NDUFV3: variants seen among roughly 807,000 people sequenced by gnomAD.
NDUFV3 encodes NADH:ubiquinone oxidoreductase subunit V3, also known as NADH dehydrogenase [ubiquinone] flavoprotein 3, mitochondrial.
Under a neutral mutation model 37.5 loss-of-function variants are expected in NDUFV3, and 44 were observed. That is an observed-to-expected ratio of 1.17 (90% CI 0.92 to 1.51). The LOEUF is 1.51. NDUFV3 is among the 40% of genes most tolerant of loss of function. The pLI, the probability that NDUFV3 is intolerant of heterozygous loss-of-function variation, is 0.00. For synonymous variants in NDUFV3, 235 were observed against 239.3 expected (o/e 0.98, Z 0.17); for missense variants, 580 against 580.4 (o/e 1.00, Z 0.01).
At position 42,905,406 on chromosome 21, in the gene NDUFV3, C is replaced by T. The variant is rs2058736865; in HGVS notation, c.1264+1130C>T. Among the ~76,000 whole-genome samples, 6 of 152,238 alleles carry T rather than the reference C, an allele frequency of 3.9e-5. No individual in the cohort carries two copies. The South Asian group carries it at 1.2e-3, about 31-fold the overall frequency. On this transcript the variant is annotated intron_variant, in intron 3 of 3. Coordinates refer to ENST00000354250, the MANE Select transcript of NDUFV3 (RefSeq NM_021075.4). ...TAAGTGTTGTACAGGTCAGCCGCTG[C>T]ATACGCATCCTTTCCCCTGGACAGC... is the stretch of plus-strand genomic sequence containing the variant.
chr21:42,905,677 G>A (rs1357838232), intron 3 of NDUFV3, among the ~76,000 whole-genome samples: 10 of 151,772 alleles, frequency 6.6e-5, no homozygotes, highest in Admixed American at 1.3e-4. Flanking sequence ...CACCACCCCC[G>A]GCTAATTTTT....
intron 3 of NDUFV3, chr21:42,906,708 T>A (rs1367210292): frequency 3.0e-6 from 1 of 333,872 alleles, no homozygotes; most frequent in African/African-American, 2.2e-5. Context: ...GGGGCCGCGG[T>A]CTCACTAGGC....
At chr21:42,899,366 G>A (rs1406647376) in intron 2 of NDUFV3, among the ~76,000 whole-genome samples, 1 of 147,698 alleles carries the variant, frequency 6.8e-6, no homozygotes, top group Admixed American at 6.8e-5. Flanking sequence ...CCGCCTCCCT[G>A]ATTCAAGCAA....
chr21:42,899,807 C>T (rs13047676), intron 2 of NDUFV3, among the ~76,000 whole-genome samples: 11,594 of 150,928 alleles, frequency 0.077, 513 homozygotes, highest in East Asian at 0.15. Context: ...TTTGAACTCC[C>T]GACCTCAGAT....
chr21:42,908,789 G>A (rs188556924), intron 3 of NDUFV3, 75 bp from the exon 4 acceptor site: 6 of 1,543,884 alleles, frequency 3.9e-6, no homozygotes, highest in Non-Finnish European at 3.6e-6. Flanking sequence ...GTAGGTAAGC[G>A]CCTGTGTGTG....
At position 42,904,195 on chromosome 21, in the gene NDUFV3, A is replaced by G. The variant is rs2146161146; in HGVS notation, c.1183A>G (p.Thr395Ala). The change falls in exon 3 of 4, where the codon ACA becomes GCA. Residue 395 changes from threonine to alanine, a missense_variant. Coordinates refer to ENST00000354250, the MANE Select transcript of NDUFV3 (RefSeq NM_021075.4). Reference sequence around the variant, plus strand: ...GAATAACCACGGTTTCCATGAAAAGACAGCAGCGCTGAAGCTTGAGGCCGA... The same window carrying G: ...GAATAACCACGGTTTCCATGAAAAGGCAGCAGCGCTGAAGCTTGAGGCCGA... ...VENNHGFHEK[T>A]AALKLEAEGE... The G allele has an allele frequency of 6.2e-7, 1 of 1,614,172 alleles. No individual in the cohort carries two copies. The highest frequency in any genetic ancestry group is 1.7e-5 in the Admixed American group (1 of 59,996).
chr21:42,900,627 T>C (rs777420854), intron 2 of NDUFV3, among the ~76,000 whole-genome samples: 1 of 152,216 alleles, frequency 6.6e-6, no homozygotes, highest in Admixed American at 6.5e-5. Context: ...AGAGGAACTT[T>C]TCACCCTCCA....
rs2058768564 is a variant in NDUFV3, at chr21:42,911,013, C to G, written c.*1992C>G. On this transcript the variant is annotated 3_prime_UTR_variant, in exon 4 of 4. Coordinates refer to ENST00000354250, the MANE Select transcript of NDUFV3 (RefSeq NM_021075.4). ...ATCCCAGCACTTTGGGAAGCCAAGG[C>G]GGATGGATCACTTGAGGTCAGGAGT... 1 of 152,316 alleles carries G rather than the reference C, an allele frequency of 6.6e-6. No homozygotes were observed. Among genetic ancestry groups the G allele is most frequent in the Non-Finnish European group, 1.5e-5 (1 of 68,166 alleles). The allele number at this position is 152,316 out of a possible 1,614,324, so 9.4% of individuals were successfully genotyped here. A position where few individuals can be genotyped will look rare whatever the true frequency, so the allele number is the denominator to read the frequency against.
In NDUFV3 at chr21:42,893,350, T is replaced by A. The variant is rs1301859502; in HGVS notation, c.17T>A (p.Leu6Ter). The change falls in exon 1 of 4, where the codon TTG (leucine) becomes TAG (stop). Residue 6 changes from leucine to a stop codon, truncating the protein, a stop_gained. Coordinates refer to ENST00000354250, the MANE Select transcript of NDUFV3 (RefSeq NM_021075.4). LOFTEE classifies it high-confidence loss of function. MAAPC[L>*]LRQGRAGALK... The stretch of plus-strand genomic sequence containing the variant: ...GTCACCGCCATGGCTGCCCCGTGTT[T>A]GCTGCGGCAAGGACGAGCCGGGGCG... 4.6e-6 allele frequency: 7 copies of A among 1,538,438 alleles called. No individual in the cohort carries two copies. In the South Asian group the frequency reaches 7.1e-5, roughly 16 times the overall value.
rs1360004608 is a variant in NDUFV3, at chr21:42,911,988, C to T, written c.*2967C>T. ...GGGCGCGGTGGCTCATGCCTGTAATCCCTGCACTTTGGAAGGCTGAGGCAG... is the reference window on the plus strand; with the variant it reads ...GGGCGCGGTGGCTCATGCCTGTAATTCCTGCACTTTGGAAGGCTGAGGCAG... On this transcript the variant is annotated 3_prime_UTR_variant, in exon 4 of 4. Coordinates refer to ENST00000354250, the MANE Select transcript of NDUFV3 (RefSeq NM_021075.4). 4 of 152,250 alleles carry T rather than the reference C, an allele frequency of 2.6e-5. No homozygotes were observed. In the South Asian group the frequency reaches 8.3e-4, roughly 32 times the overall value. 9.4% of individuals were successfully genotyped at this position (152,250 alleles called of 1,614,324 possible).
chr21:42,900,494 C>T (rs1460834424), intron 2 of NDUFV3, among the ~76,000 whole-genome samples: 1 of 152,202 alleles, frequency 6.6e-6, no homozygotes, highest in African/African-American at 2.4e-5. Context: ...CACAGCGACA[C>T]TCCATCTCAA....
At chr21:42,894,477 ATATT>A (rs1263327374) in intron 1 of NDUFV3, among the ~76,000 whole-genome samples, 3 of 70,100 alleles carry the variant, frequency 4.3e-5, no homozygotes, top group Non-Finnish European at 7.5e-5. Context: ...TATATATTAT[ATATT>A]TATATATTTA....
At chr21:42,893,601 C>T (rs1007941531) in intron 1 of NDUFV3, among the ~76,000 whole-genome samples, 9 of 152,208 alleles carry the variant, frequency 5.9e-5, no homozygotes, top group Non-Finnish European at 1.0e-4. Flanking sequence ...CGGTCCGCCG[C>T]CGCCGCTGCC....
At position 42,908,018 on chromosome 21, in the gene NDUFV3, G is replaced by A. The variant is rs1009242347; in HGVS notation, c.1265-846G>A. On this transcript the variant is annotated intron_variant, in intron 3 of 3. Transcript: ENST00000354250. ...TATACAAACTAAGATGTTAAGACAC[G>A]TTGTATGGCCTGGCATGGTGGCTCA... Among the ~76,000 whole-genome samples, 13 of 151,936 alleles carry A rather than the reference G, an allele frequency of 8.6e-5. No individual in the cohort carries two copies. In the East Asian group the frequency reaches 1.8e-3, roughly 21 times the overall value.
rs148195804 is a variant in NDUFV3 at position 42,901,464 on chromosome 21, G to A, written c.170-1718G>A. 8.4e-3 allele frequency among the ~76,000 whole-genome samples: 1,271 copies of A among 151,742 alleles called. 9 individuals are homozygous for A. The highest frequency in any genetic ancestry group is 0.014 in the Non-Finnish European group (971 of 67,890). On this transcript the variant is annotated intron_variant, in intron 2 of 3. Coordinates refer to ENST00000354250, the MANE Select transcript of NDUFV3 (RefSeq NM_021075.4). ...TCTCAAAAAAAAATTACCCAGGCGT[G>A]GTGGCACACAACTGTAGTACCAGCT... is the stretch of plus-strand genomic sequence containing the variant.
At chr21:42,905,402 G>A (rs1480738278) in intron 3 of NDUFV3, among the ~76,000 whole-genome samples, 3 of 152,202 alleles carry the variant, frequency 2.0e-5, no homozygotes, top group African/African-American at 7.2e-5. Context: ...CAGGTCAGCC[G>A]CTGCATACGC....
At chr21:42,904,400 C>A in intron 3 of NDUFV3, 124 bp downstream of exon 3, 1 of 1,305,964 alleles carries the variant, frequency 7.7e-7, no homozygotes, top group Non-Finnish European at 1.1e-6. Flanking sequence ...GAAATATGGC[C>A]TGTAACGCTG....
intron 3 of NDUFV3, among the ~76,000 whole-genome samples, chr21:42,908,095 T>C (rs2058749866): frequency 6.6e-6 from 1 of 151,514 alleles, no homozygotes; most frequent in Admixed American, 6.6e-5. Flanking sequence ...TCACTTGAGC[T>C]CAGGAAATCG....
At position 42,903,675 on chromosome 21, in the gene NDUFV3, A is replaced by G. The variant is rs755698566; in HGVS notation, c.663A>G (p.Pro221=). The G allele has an allele frequency of 1.2e-5, 20 of 1,614,032 alleles. No homozygotes were observed. Among genetic ancestry groups the G allele is most frequent in the Non-Finnish European group, 1.6e-5 (19 of 1,180,038 alleles). Residue 221 remains proline (P), a synonymous_variant, in exon 3 of 4, where the codon CCA becomes CCG. Transcript: ENST00000354250. ...AGCCGCATGTGGACATTACTGATCC[A>G]GAGAAGCCCCACCAGCCAAAGAAGA... ...LQKPHVDITD[P]EKPHQPKKKG... is the part of the protein sequence containing the mutation.
Sources: allele counts gnomAD v4.1 joint callset (sites outside exome capture counted in the v4.1 genomes callset), GRCh38; gene constraint gnomAD v4.1.1; transcripts MANE v1.5; gene names NCBI Gene and HGNC (gene_info 2026-07-23, HGNC 2026-07-21).